SDK1: variants seen among roughly 807,000 people sequenced by gnomAD.
SDK1 encodes sidekick cell adhesion molecule 1, also known as protein sidekick-1.
Under a neutral mutation model 245.5 loss-of-function variants are expected in SDK1, and 157 were observed. The observed-to-expected ratio is 0.64, with a 90% confidence interval of 0.56 to 0.73. The LOEUF (loss-of-function observed/expected upper bound fraction) is 0.73, where lower values mean the gene tolerates loss of function less well. Among genes scored for constraint, SDK1 ranks in the 30% least tolerant of loss-of-function variants. The pLI is 0.00. For missense variants in SDK1, 3,583 were observed against 3,002.3 expected (o/e 1.19, Z -4.52); for synonymous variants, 1,647 against 1,278.5 (o/e 1.29, Z -6.15).
chr7:3,731,163 A>G (rs1406264551), intron 4 of SDK1, among the ~76,000 whole-genome samples: 1 of 152,134 alleles, frequency 6.6e-6, no homozygotes, highest in Admixed American at 6.5e-5. Context: ...TGGCAGGGTG[A>G]CGGGCGGAGA....
At chr7:3,754,139 G>C (rs953831064) in intron 4 of SDK1, among the ~76,000 whole-genome samples, 16 of 152,166 alleles carry the variant, frequency 1.1e-4, no homozygotes, top group Non-Finnish European at 4.4e-5. Flanking sequence ...AATGAAGTTG[G>C]CTCTTGGAGA....
At chr7:3,653,978 C>G (rs1051146737) in intron 4 of SDK1, among the ~76,000 whole-genome samples, 4 of 152,126 alleles carry the variant, frequency 2.6e-5, no homozygotes, top group Admixed American at 2.0e-4. Context: ...AGAGTATATG[C>G]TATATGCCGC....
At chr7:4,064,787 C>T (rs1562753938) in intron 19 of SDK1, among the ~76,000 whole-genome samples, 1 of 152,060 alleles carries the variant, frequency 6.6e-6, no homozygotes, top group Admixed American at 6.6e-5. Flanking sequence ...GAGGGCATTA[C>T]ATCAATGCCC....
intron 37 of SDK1, among the ~76,000 whole-genome samples, chr7:4,208,602 C>G (rs1784361578): frequency 6.6e-6 from 1 of 152,216 alleles, no homozygotes; most frequent in African/African-American, 2.4e-5. Flanking sequence ...TCATAACTGA[C>G]AGCATCCATT....
intron 1 of SDK1, among the ~76,000 whole-genome samples, chr7:3,460,119 A>C (rs1177802657): frequency 6.6e-6 from 1 of 152,146 alleles, no homozygotes; most frequent in Non-Finnish European, 1.5e-5. Flanking sequence ...TTCATAAACT[A>C]TTGCTTCCTG....
At chr7:3,316,888 G>T (rs932953647) in intron 1 of SDK1, among the ~76,000 whole-genome samples, 11 of 152,092 alleles carry the variant, frequency 7.2e-5, no homozygotes, top group African/African-American at 2.7e-4. Context: ...CTTTTAAAAA[G>T]GGTCTGGGGG....
intron 29 of SDK1, among the ~76,000 whole-genome samples, chr7:4,148,970 C>A (rs1780169514): frequency 6.6e-6 from 1 of 152,192 alleles, no homozygotes; most frequent in East Asian, 1.9e-4. Context: ...GCAGGAGAAT[C>A]CCTTGAACCC....
chr7:4,221,161 C>T (rs535805549), intron 39 of SDK1, 78 bp from the exon 40 acceptor site: 7 of 1,555,956 alleles, frequency 4.5e-6, no homozygotes, highest in East Asian at 2.3e-5. Context: ...TCTGACCCCC[C>T]ACTGTGAAAT....
chr7:3,301,842 C>G lies in SDK1; in HGVS notation c.256C>G (p.Leu86Val). The change falls in exon 1 of 45, where the codon CTG becomes GTG. Residue 86 changes from leucine (L) to valine (V), a missense_variant. Coordinates refer to ENST00000404826, the MANE Select transcript of SDK1 (RefSeq NM_152744.4). ...GCCGGGCCGCCGCGGCTGGTGGGCG[C>G]TGCTGGCGCTGCAGCTGCACTTGCT... ...LGPGRRGWWA[L>V]LALQLHLLRA... 8.8e-7 allele frequency: 1 copy of G among 1,132,742 alleles called. No individual in the cohort carries two copies. Among genetic ancestry groups the G allele is most frequent in the Non-Finnish European group, 1.1e-6 (1 of 925,462 alleles). The allele number at this position is 1,132,742 out of a possible 1,614,324, so 70.2% of individuals were successfully genotyped here. A position where few individuals can be genotyped will look rare whatever the true frequency, so the allele number is the denominator to read the frequency against.
chr7:3,656,642 G>A (rs1346705665), intron 4 of SDK1, among the ~76,000 whole-genome samples: 1 of 152,072 alleles, frequency 6.6e-6, no homozygotes, highest in African/African-American at 2.4e-5. Context: ...GAAAGCCAAG[G>A]GTCAGTGGGA....
chr7:4,060,294 A>G (rs1779455022), intron 19 of SDK1, among the ~76,000 whole-genome samples: 1 of 152,228 alleles, frequency 6.6e-6, no homozygotes, highest in Non-Finnish European at 1.5e-5. Flanking sequence ...AAAAGTAGAA[A>G]GATTTCAAAC....
At chr7:3,447,790 T>A (rs1048040543) in intron 1 of SDK1, among the ~76,000 whole-genome samples, 9 of 149,240 alleles carry the variant, frequency 6.0e-5, no homozygotes, top group African/African-American at 2.2e-4. Flanking sequence ...CCGCAACCTC[T>A]GCCTCCCGGG....
At chr7:3,748,003 T>C (rs1001273842) in intron 4 of SDK1, among the ~76,000 whole-genome samples, 2 of 152,212 alleles carry the variant, frequency 1.3e-5, no homozygotes, top group African/African-American at 2.4e-5. Flanking sequence ...ATTATAATGA[T>C]AGAATATTAG....
chr7:3,401,190 C>T (rs1400340419), intron 1 of SDK1, among the ~76,000 whole-genome samples: 1 of 152,158 alleles, frequency 6.6e-6, no homozygotes, highest in African/African-American at 2.4e-5. Flanking sequence ...ATGATGTCAG[C>T]CACTTACACG....
rs185065523 is a variant in SDK1 at position 3,470,163 on chromosome 7, A to G, written c.299-148917A>G. Among the ~76,000 whole-genome samples the G allele has an allele frequency of 2.8e-4, 42 of 152,300 alleles. 2 individuals carry two copies. Among genetic ancestry groups the G allele is most frequent in the Admixed American group, 2.2e-3 (34 of 15,294 alleles). On this transcript the variant is annotated intron_variant, in intron 1 of 44. Transcript: ENST00000404826. ...TTTTCAGCTGGTCTAGTTTGAATCT[A>G]CATACTAAAAATTTCCAAGATCCAT...
rs1680431061 is a variant in SDK1, at chr7:3,301,351, AG to A, written c.-235del. ...AGCGCGGCGGGCTCGGGACTGCGTG[AG>A]CGCCGGACGCGAATTTCCCCCGTTG... On this transcript the variant is annotated 5_prime_UTR_variant, in exon 1 of 45. Coordinates refer to ENST00000404826, the MANE Select transcript of SDK1 (RefSeq NM_152744.4). 1 of 146,360 alleles carries A rather than the reference AG, an allele frequency of 6.8e-6. No individual in the cohort carries two copies. The highest frequency in any genetic ancestry group is 1.5e-5 in the Non-Finnish European group (1 of 65,794). The allele number at this position is 146,360 out of a possible 1,614,324, so 9.1% of individuals were successfully genotyped here. A position where few individuals can be genotyped will look rare whatever the true frequency, so the allele number is the denominator to read the frequency against.
intron 4 of SDK1, among the ~76,000 whole-genome samples, chr7:3,749,597 C>A (rs895961342): frequency 4.6e-5 from 7 of 152,138 alleles, no homozygotes; most frequent in African/African-American, 1.4e-4. Context: ...CCGCGCCCAG[C>A]CGAACATCAC....
intron 5 of SDK1, among the ~76,000 whole-genome samples, chr7:3,897,296 C>T (rs953013011): frequency 1.3e-5 from 2 of 152,194 alleles, no homozygotes; most frequent in African/African-American, 4.8e-5. Context: ...CACCATCATG[C>T]ATTTCCAGAA....
chr7:3,758,967 T>C (rs987551710), intron 4 of SDK1, among the ~76,000 whole-genome samples: 1 of 152,186 alleles, frequency 6.6e-6, no homozygotes, highest in East Asian at 1.9e-4. Flanking sequence ...GTTCATTCTG[T>C]TTTCCTCCCT....
Sources: allele counts gnomAD v4.1 joint callset (sites outside exome capture counted in the v4.1 genomes callset), GRCh38; gene constraint gnomAD v4.1.1; transcripts MANE v1.5; gene names NCBI Gene and HGNC (gene_info 2026-07-23, HGNC 2026-07-21).